Variants in PTPRD observed in about 807,000 individuals in gnomAD.
PTPRD encodes the protein receptor-type tyrosine-protein phosphatase delta.
A neutral mutation model predicts 214.5 loss-of-function variants in PTPRD; 34 were observed. The ratio of observed to expected loss-of-function variants is 0.16; its 90% confidence interval spans 0.12 to 0.21. The LOEUF (loss-of-function observed/expected upper bound fraction) is 0.21. Ranked by LOEUF, PTPRD falls within the 10% of genes least tolerant of loss-of-function variation. PTPRD has a pLI of 1.00. For synonymous variants in PTPRD, 1,128 were observed against 845.7 expected, an observed-to-expected ratio of 1.33 and a Z score of -5.79; for missense variants, 2,545 against 2,398.7, an observed-to-expected ratio of 1.06 and a Z score of -1.27.
intron 2 of PTPRD, among the ~76,000 whole-genome samples, chr9:10,605,181 C>A (rs1169106025): frequency 6.6e-6 from 1 of 151,786 alleles, no homozygotes; most frequent in East Asian, 1.9e-4. Context: ...GAATATCTCA[C>A]CTCAAAAGGT....
chr9:10,581,252 T>C (rs544516685), intron 2 of PTPRD, among the ~76,000 whole-genome samples: 46 of 152,260 alleles, frequency 3.0e-4, no homozygotes, highest in African/African-American at 1.1e-3. Context: ...TGAAAAACAG[T>C]ATTAAGTCTC....
At chr9:8,494,417 C>A (rs1395919515) in intron 26 of PTPRD, among the ~76,000 whole-genome samples, 1 of 152,140 alleles carries the variant, frequency 6.6e-6, no homozygotes, top group Non-Finnish European at 1.5e-5. Flanking sequence ...GGAATGGTTT[C>A]CCTAACATTC....
In PTPRD at chr9:9,876,378, T is replaced by C. The variant is rs751403589; in HGVS notation, c.-368+62129A>G. On this transcript the variant is annotated intron_variant, in intron 5 of 45. Coordinates refer to ENST00000381196, the MANE Select transcript of PTPRD (RefSeq NM_002839.4). ...TAAAGTAGGGCTTCAGTAGCAAGCA[T>C]GCATTTAGAAATTTTGGCTAACATC... is the stretch of plus-strand genomic sequence containing the variant. 3.3e-5 allele frequency among the ~76,000 whole-genome samples: 5 copies of C among 152,164 alleles called. No individual in the cohort carries two copies. In the South Asian group the frequency reaches 1.0e-3, roughly 31 times the overall value.
intron 27 of PTPRD, among the ~76,000 whole-genome samples, chr9:8,492,614 C>CAAA (rs34457270): frequency 9.6e-6 from 1 of 104,606 alleles, no homozygotes; most frequent in African/African-American, 3.3e-5. Flanking sequence ...AGAAGGTGCT[C>CAAA]AAAAAAAAAA....
intron 10 of PTPRD, among the ~76,000 whole-genome samples, chr9:9,088,628 G>A (rs1298702): frequency 7.6e-6 from 1 of 131,478 alleles, no homozygotes; most frequent in East Asian, 2.4e-4. Context: ...GCTTGCAGTA[G>A]ATGGTCTCAA....
intron 11 of PTPRD, among the ~76,000 whole-genome samples, chr9:8,819,615 T>A (rs1336505495): frequency 6.6e-6 from 1 of 152,044 alleles, no homozygotes; most frequent in East Asian, 1.9e-4. Context: ...GAGCCAAGAT[T>A]GAGCCACTGC....
intron 2 of PTPRD, among the ~76,000 whole-genome samples, chr9:10,390,755 T>A (rs1677124894): frequency 6.6e-6 from 1 of 151,826 alleles, no homozygotes. Flanking sequence ...ATAGACTAAT[T>A]CCCCAGGCTT....
intron 9 of PTPRD, among the ~76,000 whole-genome samples, chr9:9,386,040 A>G (rs1221729033): frequency 2.0e-5 from 3 of 152,168 alleles, no homozygotes; most frequent in Admixed American, 1.3e-4. Context: ...ATATGAAAAT[A>G]CTTACCTAAG....
At chr9:9,795,571 A>C (rs1009270456) in intron 5 of PTPRD, among the ~76,000 whole-genome samples, 1 of 152,224 alleles carries the variant, frequency 6.6e-6, no homozygotes, top group Non-Finnish European at 1.5e-5. Flanking sequence ...GGACGTCAAA[A>C]GGGAGTATAC....
intron 5 of PTPRD, among the ~76,000 whole-genome samples, chr9:9,894,217 C>T (rs1022899167): frequency 3.3e-5 from 5 of 152,064 alleles, no homozygotes; most frequent in African/African-American, 1.2e-4. Flanking sequence ...GCTGGTCTCT[C>T]TGCCTCTGTT....
chr9:8,807,650 G>C (rs1566226568), intron 11 of PTPRD, among the ~76,000 whole-genome samples: 1 of 150,636 alleles, frequency 6.6e-6, no homozygotes, highest in Non-Finnish European at 1.5e-5. Flanking sequence ...TTTGGTTAGA[G>C]CTCACCTCAT....
chr9:8,615,197 T>C (rs1236175078), intron 14 of PTPRD, among the ~76,000 whole-genome samples: 1 of 151,978 alleles, frequency 6.6e-6, no homozygotes. Context: ...TATATTATTC[T>C]CTCCTCAATA....
intron 11 of PTPRD, among the ~76,000 whole-genome samples, chr9:8,964,986 G>T (rs994626555): frequency 3.3e-5 from 5 of 152,052 alleles, no homozygotes; most frequent in African/African-American, 1.2e-4. Context: ...TGATCTTGGG[G>T]TAATTCCTTG....
chr9:9,627,516 T>G (rs2095460762), intron 7 of PTPRD, among the ~76,000 whole-genome samples: 1 of 152,196 alleles, frequency 6.6e-6, no homozygotes, highest in Non-Finnish European at 1.5e-5. Flanking sequence ...CAGTAGAACT[T>G]CACAGTGTTT....
intron 2 of PTPRD, among the ~76,000 whole-genome samples, chr9:10,589,563 C>G (rs1039253458): frequency 6.6e-6 from 1 of 152,030 alleles, no homozygotes; most frequent in African/African-American, 2.4e-5. Flanking sequence ...GAGAGACAGA[C>G]AGAGGCATTC....
At chr9:10,020,533 C>T (rs1478379648) in intron 4 of PTPRD, among the ~76,000 whole-genome samples, 1 of 109,372 alleles carries the variant, frequency 9.1e-6, no homozygotes, top group Non-Finnish European at 1.9e-5. Context: ...GATGGCTTGA[C>T]TTCATGATCC....
chr9:10,288,483 A>G (rs541194877), intron 3 of PTPRD, among the ~76,000 whole-genome samples: 54 of 152,324 alleles, frequency 3.5e-4, no homozygotes, highest in African/African-American at 1.3e-3. Context: ...AGAAATGCAG[A>G]AGTAGAACTC....
At chr9:8,650,313 T>C (rs2096781344) in intron 12 of PTPRD, among the ~76,000 whole-genome samples, 1 of 151,986 alleles carries the variant, frequency 6.6e-6, no homozygotes, top group South Asian at 2.1e-4. Context: ...GTGGATCACC[T>C]GAGGTTAGGA....
Position 9,942,433 on chromosome 9 carries a change from T to G in PTPRD, c.-471-3823A>C, listed in dbSNP as rs77936041. Among the ~76,000 whole-genome samples the G allele has an allele frequency of 9.2e-3, 1,398 of 152,266 alleles. 14 individuals carry two copies. The highest frequency in any genetic ancestry group is 0.032 in the African/African-American group (1,310 of 41,552). ...ACGATTTAAAAAACCCCTTTACCTA[T>G]TAAAGAGTTTATAATAAATTACTAT... On this transcript the variant is annotated intron_variant, in intron 4 of 45. Transcript: ENST00000381196.
Sources: gnomAD v4.1 joint callset for allele counts (sites outside exome capture counted in the v4.1 genomes callset) on GRCh38, gnomAD v4.1.1 for gene constraint, MANE v1.5 for transcripts, NCBI Gene and HGNC (gene_info 2026-07-23, HGNC 2026-07-21) for gene names.